The following VSNL1 variants were observed in gnomAD, a reference collection of about 807,000 sequenced individuals.
VSNL1 encodes the protein visinin-like protein 1.
Under a neutral mutation model 20.4 loss-of-function variants are expected in VSNL1, and 6 were observed. The ratio of observed to expected loss-of-function variants is 0.29; its 90% CI spans 0.16 to 0.58. The LOEUF (loss-of-function observed/expected upper bound fraction) is 0.58, where lower values mean the gene tolerates loss of function less well. Among genes scored for constraint, VSNL1 ranks in the 20% least tolerant of loss-of-function variants. The pLI, the probability that VSNL1 is intolerant of heterozygous loss-of-function variation, is 0.90. For missense variants in VSNL1, 100 were observed against 234.5 expected (o/e 0.43, Z 3.75); for synonymous variants, 93 against 86.4 (o/e 1.08, Z -0.42).
chr2:17,609,913 C>T (rs2103392304), intron 2 of VSNL1, among the ~76,000 whole-genome samples: 1 of 152,366 alleles, frequency 6.6e-6, no homozygotes, highest in East Asian at 1.9e-4. Flanking sequence ...TGCACCCACT[C>T]CCCAGCCTTT....
chr2:17,651,574 G>C (rs1247062453), intron 3 of VSNL1, among the ~76,000 whole-genome samples: 1 of 152,196 alleles, frequency 6.6e-6, no homozygotes, highest in Non-Finnish European at 1.5e-5. Flanking sequence ...GCTCCATCAT[G>C]GTCACTGGCA....
chr2:17,575,232 C>A (rs1026372850), intron 1 of VSNL1, among the ~76,000 whole-genome samples: 1 of 152,134 alleles, frequency 6.6e-6, no homozygotes, highest in South Asian at 2.1e-4. Context: ...ACCTCCCAAC[C>A]CGGGAGGGAA....
At chr2:17,577,792 T>C (rs16983649) in intron 1 of VSNL1, among the ~76,000 whole-genome samples, 5,022 of 152,328 alleles carry the variant, frequency 0.033, 88 homozygotes, top group East Asian at 0.097. Context: ...GGGAGACTGA[T>C]GAGCTCTTAT....
intron 1 of VSNL1, among the ~76,000 whole-genome samples, chr2:17,573,495 A>G (rs749167842): frequency 2.6e-5 from 4 of 152,228 alleles, no homozygotes; most frequent in Non-Finnish European, 5.9e-5. Flanking sequence ...AATAAATGAA[A>G]TGGAGAACAG....
At chr2:17,592,508 AG>A (rs1664613184) in intron 2 of VSNL1, among the ~76,000 whole-genome samples, 1 of 152,158 alleles carries the variant, frequency 6.6e-6, no homozygotes, top group Non-Finnish European at 1.5e-5. Context: ...AACCATAAAA[AG>A]CTCAGAGAAG....
rs1294029638 is a variant in VSNL1 at position 17,634,362 on chromosome 2, G to A, written c.163-15048G>A. 6.6e-6 allele frequency among the ~76,000 whole-genome samples: 1 copy of A among 152,204 alleles called. No individual in the cohort carries two copies. Among genetic ancestry groups the A allele is most frequent in the African/African-American group, 2.4e-5 (1 of 41,456 alleles). ...GCACTGAGCCCTGCAAATTATGTAA[G>A]AGGTCCTGGCAAGACTTGAGGCAAA... is the stretch of plus-strand genomic sequence containing the variant. On this transcript the variant is annotated intron_variant, in intron 2 of 3. Coordinates refer to ENST00000295156, the MANE Select transcript of VSNL1 (RefSeq NM_003385.5). This position sits in a 1 kb window ranked among gnomAD's most constrained non-coding sequence, Gnocchi z 4.3.
intron 2 of VSNL1, among the ~76,000 whole-genome samples, chr2:17,637,290 A>G (rs975614532): frequency 1.3e-5 from 2 of 152,146 alleles, no homozygotes; most frequent in Non-Finnish European, 2.9e-5. Flanking sequence ...CTTCCCCATC[A>G]AGACTAAGGG....
At chr2:17,635,935 G>A (rs1323663274) in intron 2 of VSNL1, among the ~76,000 whole-genome samples, 1 of 151,830 alleles carries the variant, frequency 6.6e-6, no homozygotes, top group Non-Finnish European at 1.5e-5. Flanking sequence ...CATGGTCACT[G>A]TGGCTCTGTA....
intron 2 of VSNL1, among the ~76,000 whole-genome samples, chr2:17,633,494 G>A (rs1337360570): frequency 6.6e-6 from 1 of 151,820 alleles, no homozygotes; most frequent in Non-Finnish European, 1.5e-5. Context: ...ACTCCAGCCT[G>A]GGTGACAGAG....
At chr2:17,610,230 A>G (rs1344666475) in intron 2 of VSNL1, among the ~76,000 whole-genome samples, 2 of 152,176 alleles carry the variant, frequency 1.3e-5, no homozygotes, top group African/African-American at 2.4e-5. Flanking sequence ...GTTGAACATT[A>G]TTGAGCATCT....
At chr2:17,597,716 G>T (rs1347837042) in intron 2 of VSNL1, among the ~76,000 whole-genome samples, 1 of 152,152 alleles carries the variant, frequency 6.6e-6, no homozygotes, top group Non-Finnish European at 1.5e-5. Flanking sequence ...CTAAGAGCAG[G>T]CTTATCCATT....
At chr2:17,622,593 AAAGAAAGAAAAG>A (rs1489169203) in intron 2 of VSNL1, among the ~76,000 whole-genome samples, 9 of 131,900 alleles carry the variant, frequency 6.8e-5, no homozygotes, top group East Asian at 2.1e-4. Flanking sequence ...AGAAAGAAAG[AAAGAAAGAAAAG>A]AAAGAAAGAT....
chr2:17,602,124 T>G (rs1045737178), intron 2 of VSNL1, among the ~76,000 whole-genome samples: 3 of 152,220 alleles, frequency 2.0e-5, no homozygotes, highest in Non-Finnish European at 4.4e-5. Flanking sequence ...GGTCTGTGAA[T>G]GACCAACTCA....
intron 1 of VSNL1, among the ~76,000 whole-genome samples, chr2:17,578,432 G>C (rs62132068): frequency 0.033 from 5,026 of 152,328 alleles, 89 homozygotes; most frequent in East Asian, 0.098. Context: ...TTAGGTTAAT[G>C]GGGAGACTCA....
intron 1 of VSNL1, among the ~76,000 whole-genome samples, chr2:17,546,186 T>C (rs1252387606): frequency 6.6e-6 from 1 of 152,038 alleles, no homozygotes; most frequent in Non-Finnish European, 1.5e-5. Flanking sequence ...TTATGAGGCA[T>C]TGCTTATAAA....
chr2:17,649,358 G>A lies in VSNL1; in HGVS notation c.163-52G>A, dbSNP rs116101063. 4.9e-4 allele frequency: 776 copies of A among 1,571,546 alleles called. 1 individual carries two copies. The African/African-American group carries it at 8.5e-3, about 17-fold the overall frequency. On this transcript the variant is annotated intron_variant, in intron 2 of 3. Coordinates refer to ENST00000295156, the MANE Select transcript of VSNL1 (RefSeq NM_003385.5). This position sits in a 1 kb window ranked among gnomAD's most constrained non-coding sequence, Gnocchi z 6.4. ...GCCGTCATTAGGAACCTACCTCGTC[G>A]CCCCGATTCCATCCCCTCCCGACAC...
chr2:17,645,294 C>G (rs563129086), intron 2 of VSNL1, among the ~76,000 whole-genome samples: 228 of 152,366 alleles, frequency 1.5e-3, no homozygotes, highest in African/African-American at 4.9e-3. Flanking sequence ...CAAGGCCTTG[C>G]TTGTGCCCAC....
intron 2 of VSNL1, among the ~76,000 whole-genome samples, chr2:17,622,519 AAAAGAAAGAAAGAAAAGAAAGAAAG>A (rs1665388049): frequency 8.3e-6 from 1 of 121,184 alleles, no homozygotes; most frequent in African/African-American, 2.8e-5. Flanking sequence ...AGAAAGAAAG[AAAAGAAAGAAAGAAAAGAAAGAAAG>A]AAAGAAAGAA....
intron 2 of VSNL1, among the ~76,000 whole-genome samples, chr2:17,641,269 T>C (rs1484789994): frequency 6.6e-6 from 1 of 152,304 alleles, no homozygotes; most frequent in East Asian, 1.9e-4. Context: ...TTGGAGCGAG[T>C]GAAGACAGTA....
Sources: allele counts gnomAD v4.1 joint callset (sites outside exome capture counted in the v4.1 genomes callset), GRCh38; gene constraint gnomAD v4.1.1; non-coding constraint Gnocchi (gnomAD v3.1); transcripts MANE v1.5; gene names NCBI Gene and HGNC (gene_info 2026-07-23, HGNC 2026-07-21).